Variants in HECW2 observed in about 807,000 individuals in gnomAD.
HECW2 encodes the protein E3 ubiquitin-protein ligase HECW2.
A neutral mutation model predicts 175.2 loss-of-function variants in HECW2; 61 were observed. The observed-to-expected ratio is 0.35, with a 90% CI of 0.28 to 0.43. HECW2 has a LOEUF of 0.43. Among genes scored for constraint, HECW2 ranks in the 20% least tolerant of loss-of-function variants. HECW2 has a pLI of 1.00. For synonymous variants in HECW2, 671 were observed against 731.0 expected, an observed-to-expected ratio of 0.92 and a Z score of 1.32; for missense variants, 1,524 against 2,000.5, an observed-to-expected ratio of 0.76 and a Z score of 4.54.
intron 21 of HECW2, among the ~76,000 whole-genome samples, chr2:196,229,485 A>C (rs770552071): frequency 2.0e-5 from 3 of 152,058 alleles, no homozygotes; most frequent in Non-Finnish European, 2.9e-5. Context: ...GGAGTTTGAG[A>C]GAGTGACACA....
intron 19 of HECW2, among the ~76,000 whole-genome samples, chr2:196,252,360 GT>G (rs944055405): frequency 1.6e-4 from 24 of 151,778 alleles, no homozygotes; most frequent in Non-Finnish European, 3.2e-4. Flanking sequence ...ACCTGATATG[GT>G]TTTTTTGGAT....
chr2:196,509,595 T>A (rs1342845845), intron 1 of HECW2, among the ~76,000 whole-genome samples: 2 of 152,218 alleles, frequency 1.3e-5, no homozygotes, highest in Non-Finnish European at 2.9e-5. Flanking sequence ...ATCCCAAGGA[T>A]TTTAAACATT....
At chr2:196,260,981 T>C (rs1336258515) in intron 17 of HECW2, among the ~76,000 whole-genome samples, 1 of 152,182 alleles carries the variant, frequency 6.6e-6, no homozygotes, top group African/African-American at 2.4e-5. Flanking sequence ...AATCTTGCCA[T>C]ATGACTTCGG....
At chr2:196,440,680 T>C (rs969560356) in intron 1 of HECW2, among the ~76,000 whole-genome samples, 7 of 152,192 alleles carry the variant, frequency 4.6e-5, no homozygotes, top group Non-Finnish European at 1.0e-4. Flanking sequence ...CCTTCTGCAA[T>C]AAGAAAGACA....
At chr2:196,369,902 G>A (rs955450439) in intron 2 of HECW2, among the ~76,000 whole-genome samples, 3 of 151,936 alleles carry the variant, frequency 2.0e-5, no homozygotes, top group Non-Finnish European at 2.9e-5. Context: ...TGCCAGGCCT[G>A]GAACTCTCCC....
chr2:196,271,706 ACCAGCCTGGGC>A (rs1575333490), intron 16 of HECW2, among the ~76,000 whole-genome samples: 1 of 152,194 alleles, frequency 6.6e-6, no homozygotes, highest in East Asian at 1.9e-4. Flanking sequence ...GGAGATTAAG[ACCAGCCTGGGC>A]AACATAGTGA....
intron 28 of HECW2, among the ~76,000 whole-genome samples, chr2:196,204,855 T>C (rs1687011434): frequency 6.6e-6 from 1 of 152,210 alleles, no homozygotes; most frequent in Non-Finnish European, 1.5e-5. Context: ...AGTTCTTTCA[T>C]TCTCCCAGGT....
intron 1 of HECW2, among the ~76,000 whole-genome samples, chr2:196,527,919 G>C (rs1279515333): frequency 2.0e-5 from 3 of 152,058 alleles, no homozygotes; most frequent in Middle Eastern, 3.2e-3. Flanking sequence ...AAAACTACCA[G>C]GTTTCACTTC....
At chr2:196,584,658 T>TA (rs1313225489) in intron 1 of HECW2, among the ~76,000 whole-genome samples, 13 of 152,138 alleles carry the variant, frequency 8.5e-5, no homozygotes, top group African/African-American at 3.1e-4. Context: ...CCCAGTTCTC[T>TA]AAGACTGTTC....
rs539522317 is a variant in HECW2, at chr2:196,287,597, C to T, written c.3000+4968G>A. Among the ~76,000 whole-genome samples, 10 of 152,220 alleles carry T rather than the reference C, an allele frequency of 6.6e-5. No homozygotes were observed. In the South Asian group the frequency reaches 8.3e-4, roughly 13 times the overall value. On this transcript the variant is annotated intron_variant, in intron 14 of 28. Coordinates refer to ENST00000644978, the MANE Select transcript of HECW2 (RefSeq NM_001348768.2). ...AAATCAAATAATCCCATTATGTAAACTTGAGAAATAACAACTTTCACGGTT... is the reference window on the plus strand; with the variant it reads ...AAATCAAATAATCCCATTATGTAAATTTGAGAAATAACAACTTTCACGGTT...
intron 2 of HECW2, among the ~76,000 whole-genome samples, chr2:196,400,738 C>A (rs1694795074): frequency 6.6e-6 from 1 of 151,780 alleles, no homozygotes; most frequent in African/African-American, 2.4e-5. Flanking sequence ...CACTCACCTA[C>A]ATTTCTCCAT....
chr2:196,217,339 G>A (rs894859969), intron 26 of HECW2: 2 of 395,746 alleles, frequency 5.1e-6, no homozygotes, highest in South Asian at 5.2e-5. Context: ...AGTGAAACTA[G>A]TAAAGAGAAG....
chr2:196,373,806 G>A (rs1693971583), intron 2 of HECW2, among the ~76,000 whole-genome samples: 1 of 152,124 alleles, frequency 6.6e-6, no homozygotes, highest in African/African-American at 2.4e-5. Flanking sequence ...GCCGAGGCGG[G>A]CAGATCACGA....
intron 2 of HECW2, among the ~76,000 whole-genome samples, chr2:196,385,932 A>G (rs1694335007): frequency 6.6e-6 from 1 of 152,324 alleles, no homozygotes; most frequent in Non-Finnish European, 1.5e-5. Flanking sequence ...GAAAAATGTC[A>G]CAACAGTGTA....
At chr2:196,518,312 G>A (rs1260121290) in intron 1 of HECW2, among the ~76,000 whole-genome samples, 1 of 152,128 alleles carries the variant, frequency 6.6e-6, no homozygotes, top group African/African-American at 2.4e-5. Flanking sequence ...TAAGATAAGA[G>A]CTAAGTAATG....
At chr2:196,397,098 C>A (rs189375698) in intron 2 of HECW2, among the ~76,000 whole-genome samples, 69 of 150,994 alleles carry the variant, frequency 4.6e-4, no homozygotes, top group African/African-American at 1.6e-3. Context: ...GGGGACAGAG[C>A]GAGACTCCGT....
Position 196,319,397 on chromosome 2 carries a change from T to C in HECW2, c.1493A>G (p.Asp498Gly), listed in dbSNP as rs1390094989. Reference sequence around the variant, plus strand: ...TGTCTGAGATGTCAGGCTTCCATCATCAGCTCTGGATGCCCTGCTAAACAT... The same window carrying C: ...TGTCTGAGATGTCAGGCTTCCATCACCAGCTCTGGATGCCCTGCTAAACAT... ...LIMFSRASRADDGSLTSQTKL... is the reference protein window; with the variant it reads ...LIMFSRASRAGDGSLTSQTKL... The change falls in exon 9 of 29, where the codon GAT becomes GGT. Residue 498 changes from aspartate to glycine, a missense_variant. Around this residue, in one of 11 missense-constraint regions of HECW2, gnomAD observed 604 missense variants for 588.3 expected, o/e 1.03. Coordinates refer to ENST00000644978, the MANE Select transcript of HECW2 (RefSeq NM_001348768.2). 16 of 1,613,472 alleles carry C rather than the reference T, an allele frequency of 9.9e-6. No individual in the cohort carries two copies. Among genetic ancestry groups the C allele is most frequent in the Non-Finnish European group, 1.4e-5 (16 of 1,180,000 alleles).
intron 1 of HECW2, among the ~76,000 whole-genome samples, chr2:196,571,712 T>G (rs771372584): frequency 1.7e-4 from 26 of 150,090 alleles, no homozygotes; most frequent in Non-Finnish European, 2.5e-4. Flanking sequence ...AAAAAAAAAA[T>G]AAAAGAAAAA....
At chr2:196,322,865 C>G (rs1330445900) in intron 6 of HECW2, among the ~76,000 whole-genome samples, 1 of 152,142 alleles carries the variant, frequency 6.6e-6, no homozygotes, top group Non-Finnish European at 1.5e-5. Context: ...ATCATGCAGC[C>G]CTTCCTAGTT....
Sources: gnomAD v4.1 joint callset for allele counts (sites outside exome capture counted in the v4.1 genomes callset) on GRCh38, gnomAD v4.1.1 for gene constraint, gnomAD v4.1.1 regional missense constraint, MANE v1.5 for transcripts, NCBI Gene and HGNC (gene_info 2026-07-23, HGNC 2026-07-21) for gene names.